The following TRAPPC10 variants were observed in gnomAD, a reference collection of about 807,000 sequenced individuals.
TRAPPC10 encodes the protein trafficking protein particle complex subunit 10.
In TRAPPC10, 23 loss-of-function variants were observed where a neutral mutation model predicts 125.5. The ratio of observed to expected loss-of-function variants is 0.18; its 90% CI spans 0.13 to 0.26. The LOEUF (loss-of-function observed/expected upper bound fraction) is 0.26, where lower values mean the gene tolerates loss of function less well. Ranked by LOEUF, TRAPPC10 falls within the 10% of genes least tolerant of loss-of-function variation. TRAPPC10 has a pLI of 1.00. For missense variants in TRAPPC10, 1,123 were observed against 1,308.4 expected (o/e 0.86, Z 2.19); for synonymous variants, 509 against 518.0 (o/e 0.98, Z 0.24).
intron 2 of TRAPPC10, among the ~76,000 whole-genome samples, chr21:44,034,912 A>G (rs2033878855): frequency 6.6e-6 from 1 of 152,216 alleles, no homozygotes; most frequent in South Asian, 2.1e-4. Flanking sequence ...GGAACCTCCC[A>G]CTGCAGCCAG....
At chr21:44,043,013 G>C (rs966704301) in intron 3 of TRAPPC10, among the ~76,000 whole-genome samples, 3 of 151,976 alleles carry the variant, frequency 2.0e-5, no homozygotes, top group African/African-American at 7.3e-5. Flanking sequence ...AGCTCTGGGA[G>C]TTGAGGGTCT....
At chr21:44,085,287 G>A (rs756916080) in intron 15 of TRAPPC10, among the ~76,000 whole-genome samples, 1 of 152,002 alleles carries the variant, frequency 6.6e-6, no homozygotes, top group Non-Finnish European at 1.5e-5. Flanking sequence ...GCCTGGAAAT[G>A]GGGTTGAAAA....
intron 19 of TRAPPC10, among the ~76,000 whole-genome samples, 170 bp downstream of exon 19, chr21:44,092,219 T>A (rs1206670208): frequency 2.0e-5 from 3 of 152,238 alleles, no homozygotes; most frequent in African/African-American, 7.2e-5. Flanking sequence ...CGAGGCTTGC[T>A]CCTGAGTAAG....
At chr21:44,037,963 A>C in intron 3 of TRAPPC10, 36 bp downstream of exon 3, 1 of 1,604,340 alleles carries the variant, frequency 6.2e-7, no homozygotes, top group Non-Finnish European at 8.5e-7. Flanking sequence ...GCGCGGTGGG[A>C]TGGGGTTGGA....
At chr21:44,075,177 T>G in intron 9 of TRAPPC10, 24 bp downstream of exon 9, 1 of 1,521,688 alleles carries the variant, frequency 6.6e-7, no homozygotes, top group Non-Finnish European at 9.1e-7. Flanking sequence ...TATACCTGTG[T>G]GAGTGGTGAG....
intron 1 of TRAPPC10, among the ~76,000 whole-genome samples, chr21:44,019,384 C>T (rs1400224968): frequency 6.6e-6 from 1 of 152,174 alleles, no homozygotes; most frequent in South Asian, 2.1e-4. Flanking sequence ...AACATTCCCA[C>T]CTCAGTGCCT....
In TRAPPC10 at chr21:44,059,665, T is replaced by C; in HGVS notation, c.790+451T>C. On this transcript the variant is annotated intron_variant, in intron 6 of 22. Transcript: ENST00000291574. The surrounding 1 kb of genome is among the most constrained non-coding windows in gnomAD (Gnocchi z 4.4). ...ACTTTTAAATAATATCTTAAGCTCC[T>C]TTACAATTAAAGAATTAGCACAGTG... 1.8e-6 allele frequency: 1 copy of C among 562,838 alleles called. No homozygotes were observed. The highest frequency in any genetic ancestry group is 2.8e-5 in the East Asian group (1 of 35,686). 34.9% of individuals were successfully genotyped at this position (562,838 alleles called of 1,614,324 possible). A position where few individuals can be genotyped will look rare whatever the true frequency, so the allele number is the denominator to read the frequency against.
chr21:44,022,559 C>G (rs1045218300), intron 1 of TRAPPC10, among the ~76,000 whole-genome samples: 2 of 150,464 alleles, frequency 1.3e-5, no homozygotes, highest in South Asian at 4.2e-4. Context: ...GGTGATCCGC[C>G]CACCTTTGCC....
intron 1 of TRAPPC10, among the ~76,000 whole-genome samples, chr21:44,030,074 C>T (rs1295553054): frequency 1.3e-5 from 2 of 152,214 alleles, no homozygotes; most frequent in Non-Finnish European, 2.9e-5. Context: ...AGAGACATTG[C>T]TACTTGGTAG....
Position 44,096,084 on chromosome 21 carries a change from G to A in TRAPPC10, c.3168+1851G>A, listed in dbSNP as rs114105750. On this transcript the variant is annotated intron_variant, in intron 20 of 22. Transcript: ENST00000291574. ...GTCCTGCCAGCACTTGTCTCACTGTGTTTTTGGTTGTGGCTGTCCCAATTG... is the reference window on the plus strand; with the variant it reads ...GTCCTGCCAGCACTTGTCTCACTGTATTTTTGGTTGTGGCTGTCCCAATTG... Among the ~76,000 whole-genome samples, 272 of 59,238 alleles carry A rather than the reference G, an allele frequency of 4.6e-3. 1 individual carries two copies. Among genetic ancestry groups the A allele is most frequent in the African/African-American group, 0.018 (258 of 14,214 alleles). The allele number at this position is 59,238 out of a possible 152,430, so 38.9% of individuals were successfully genotyped here.
intron 19 of TRAPPC10, 62 bp from the exon 20 acceptor site, chr21:44,094,001 T>C: frequency 2.0e-6 from 3 of 1,531,862 alleles, no homozygotes; most frequent in East Asian, 2.3e-5. Context: ...TTCGCTGCAG[T>C]GTCTGTGTCC....
chr21:44,071,388 A>G (rs548680635), intron 7 of TRAPPC10, among the ~76,000 whole-genome samples: 4 of 152,364 alleles, frequency 2.6e-5, no homozygotes, highest in East Asian at 3.9e-4. Flanking sequence ...TTTCAAAGCA[A>G]TGAAAAAGTA....
chr21:44,016,879 T>C (rs184400315), intron 1 of TRAPPC10, among the ~76,000 whole-genome samples: 159 of 152,308 alleles, frequency 1.0e-3, no homozygotes, highest in East Asian at 1.9e-3. Flanking sequence ...AGGATGGTCT[T>C]GATCTGACCT....
At chr21:44,093,960 G>A in intron 19 of TRAPPC10, 103 bp from the exon 20 acceptor site, 1 of 1,255,758 alleles carries the variant, frequency 8.0e-7, no homozygotes, top group Non-Finnish European at 1.1e-6. Flanking sequence ...TGCCCATGGT[G>A]TCTGCTCAGC....
intron 6 of TRAPPC10, among the ~76,000 whole-genome samples, chr21:44,062,002 G>A (rs1262879862): frequency 4.6e-5 from 7 of 152,240 alleles, no homozygotes; most frequent in Non-Finnish European, 1.5e-5. Flanking sequence ...ATAAGGTAAA[G>A]ACCATATGGT....
intron 15 of TRAPPC10, among the ~76,000 whole-genome samples, chr21:44,085,427 G>A (rs1239087565): frequency 2.0e-5 from 3 of 152,186 alleles, no homozygotes; most frequent in African/African-American, 7.2e-5. Flanking sequence ...ATTTAGTTAG[G>A]ATCTATACTC....
chr21:44,013,124 A>G (rs2031361184), intron 1 of TRAPPC10, among the ~76,000 whole-genome samples: 1 of 147,314 alleles, frequency 6.8e-6, no homozygotes, highest in South Asian at 2.2e-4. Context: ...CGGATGAGAA[A>G]GCCGAGGCTC....
At chr21:44,043,920 C>CCCA (rs1242449947) in intron 3 of TRAPPC10, among the ~76,000 whole-genome samples, 2 of 152,226 alleles carry the variant, frequency 1.3e-5, no homozygotes, top group African/African-American at 4.8e-5. Flanking sequence ...TGTTTTAGCT[C>CCCA]CCAGCCTCAA....
At chr21:44,073,849 G>T (rs17004625) in intron 7 of TRAPPC10, among the ~76,000 whole-genome samples, 2,566 of 152,218 alleles carry the variant, frequency 0.017, 71 homozygotes, top group African/African-American at 0.057. Flanking sequence ...TGTTGAACGT[G>T]ATCTTTCTTA....
Sources: gnomAD v4.1 joint callset for allele counts (sites outside exome capture counted in the v4.1 genomes callset) on GRCh38, gnomAD v4.1.1 for gene constraint, Gnocchi (gnomAD v3.1) non-coding constraint, MANE v1.5 for transcripts, NCBI Gene and HGNC (gene_info 2026-07-23, HGNC 2026-07-21) for gene names.